HHAT: variants seen among roughly 807,000 people sequenced by gnomAD.
HHAT encodes hedgehog acyltransferase.
A neutral mutation model predicts 70.8 loss-of-function variants in HHAT; 47 were observed. The observed-to-expected ratio is 0.66, with a 90% CI of 0.53 to 0.85. HHAT has a LOEUF of 0.85. HHAT is among the 40% of genes least tolerant of loss of function. The pLI is 0.00. For synonymous variants in HHAT, 228 were observed against 247.6 expected (o/e 0.92, Z 0.74); for missense variants, 609 against 604.8 (o/e 1.01, Z -0.07).
intron 8 of HHAT, among the ~76,000 whole-genome samples, chr1:210,501,880 C>T (rs956375508): frequency 6.6e-6 from 1 of 152,076 alleles, no homozygotes; most frequent in Admixed American, 6.5e-5. Context: ...GAGCTGCCTA[C>T]CCCCACCCTT....
intron 7 of HHAT, among the ~76,000 whole-genome samples, chr1:210,449,958 C>T (rs934290812): frequency 1.3e-5 from 2 of 152,080 alleles, no homozygotes; most frequent in Non-Finnish European, 2.9e-5. Context: ...TTCTGGAATT[C>T]GGGGGAAATA....
At chr1:210,551,316 G>A (rs1433979557) in intron 9 of HHAT, among the ~76,000 whole-genome samples, 1 of 149,010 alleles carries the variant, frequency 6.7e-6, no homozygotes, top group Non-Finnish European at 1.5e-5. Flanking sequence ...CGACCCATGG[G>A]GAACTGGAAG....
chr1:210,447,909 C>T (rs549999285), intron 7 of HHAT, among the ~76,000 whole-genome samples: 2 of 152,204 alleles, frequency 1.3e-5, no homozygotes, highest in East Asian at 3.9e-4. Context: ...GCTCCTGACC[C>T]ACAAAGCGGA....
intron 4 of HHAT, among the ~76,000 whole-genome samples, chr1:210,396,318 A>G (rs2091784385): frequency 6.6e-6 from 1 of 152,118 alleles, no homozygotes; most frequent in Admixed American, 6.5e-5. Flanking sequence ...AGCTCATCTC[A>G]AGCTTCAGGT....
intron 1 of HHAT, among the ~76,000 whole-genome samples, chr1:210,348,066 C>T (rs971314906): frequency 6.6e-6 from 1 of 152,106 alleles, no homozygotes; most frequent in African/African-American, 2.4e-5. Flanking sequence ...GTGATTATGT[C>T]ATTAACTGCC....
At chr1:210,491,419 A>C (rs1413017360) in intron 8 of HHAT, among the ~76,000 whole-genome samples, 1 of 152,160 alleles carries the variant, frequency 6.6e-6, no homozygotes, top group Non-Finnish European at 1.5e-5. Flanking sequence ...AGCTGGTGGG[A>C]AGGCAGTAGT....
At chr1:210,441,773 AATAT>A (rs150604202) in intron 7 of HHAT, among the ~76,000 whole-genome samples, 1,894 of 152,220 alleles carry the variant, frequency 0.012, 33 homozygotes, top group African/African-American at 0.042. Context: ...ACACACAATA[AATAT>A]ATATATAAAC....
chr1:210,403,875 T>C (rs1213599966), intron 5 of HHAT, among the ~76,000 whole-genome samples: 1 of 152,132 alleles, frequency 6.6e-6, no homozygotes, highest in African/African-American at 2.4e-5. Flanking sequence ...TCTATTGTAA[T>C]TGCATTTTTA....
intron 9 of HHAT, among the ~76,000 whole-genome samples, chr1:210,538,040 C>CT (rs1009812253): frequency 6.8e-5 from 10 of 147,510 alleles, no homozygotes; most frequent in African/African-American, 1.2e-4. Flanking sequence ...TATTACAAGG[C>CT]TTTTTTTTCC....
At chr1:210,405,090 T>C (rs900047273) in intron 6 of HHAT, among the ~76,000 whole-genome samples, 2 of 152,216 alleles carry the variant, frequency 1.3e-5, no homozygotes, top group African/African-American at 4.8e-5. Context: ...TGTTTCCTTT[T>C]ATATTCACAA....
chr1:210,564,855 G>A (rs1654272767), intron 9 of HHAT, among the ~76,000 whole-genome samples: 1 of 152,126 alleles, frequency 6.6e-6, no homozygotes, highest in Admixed American at 6.5e-5. Flanking sequence ...AACAGGTTAA[G>A]GAAGAAATGG....
At position 210,554,703 on chromosome 1, in the gene HHAT, C is replaced by T. The variant is rs112272917; in HGVS notation, c.1044-33195C>T. Among the ~76,000 whole-genome samples, 275 of 152,276 alleles carry T rather than the reference C, an allele frequency of 1.8e-3. 1 individual carries two copies. The highest frequency in any genetic ancestry group is 3.1e-3 in the Non-Finnish European group (213 of 68,018). On this transcript the variant is annotated intron_variant, in intron 9 of 11. Transcript: ENST00000261458. ...AGGAAAGTGGGGTTTCCTTGACTTC[C>T]TCTCTTTTGTGATGGATTTATGTGG...
intron 3 of HHAT, among the ~76,000 whole-genome samples, chr1:210,364,734 C>G (rs900812854): frequency 5.3e-5 from 8 of 152,226 alleles, no homozygotes; most frequent in Non-Finnish European, 1.2e-4. Flanking sequence ...TGACTCCCTG[C>G]AGAGGCTCCA....
intron 11 of HHAT, among the ~76,000 whole-genome samples, chr1:210,660,463 C>T (rs986095834): frequency 2.0e-5 from 3 of 152,090 alleles, no homozygotes; most frequent in African/African-American, 7.2e-5. Context: ...TAGGAAGAAT[C>T]AATATTGTGA....
At chr1:210,485,820 C>T (rs566178966) in intron 8 of HHAT, among the ~76,000 whole-genome samples, 2 of 152,164 alleles carry the variant, frequency 1.3e-5, no homozygotes, top group South Asian at 4.2e-4. Flanking sequence ...CCACCGGGTC[C>T]CTCCCACAAT....
At position 210,435,070 on chromosome 1, in the gene HHAT, C is replaced by T. The variant is rs2093343346; in HGVS notation, c.856+16745C>T. Among the ~76,000 whole-genome samples, 2 of 151,754 alleles carry T rather than the reference C, an allele frequency of 1.3e-5. 1 individual carries two copies. The highest frequency in any genetic ancestry group is 4.9e-5 in the African/African-American group (2 of 41,094). On this transcript the variant is annotated intron_variant, in intron 7 of 11. Transcript: ENST00000261458. ...CCTGTTGATCTATTGAACAGCAGGTCTTCTGTCTTCTAAGTGTATATGTGT... is the reference window on the plus strand; with the variant it reads ...CCTGTTGATCTATTGAACAGCAGGTTTTCTGTCTTCTAAGTGTATATGTGT...
chr1:210,634,250 T>C (rs1314340330), intron 11 of HHAT, among the ~76,000 whole-genome samples: 1 of 152,144 alleles, frequency 6.6e-6, no homozygotes, highest in Non-Finnish European at 1.5e-5. Context: ...ACTAGGAAGA[T>C]GTTTCTGGCC....
At chr1:210,334,605 G>T (rs1197324927) in intron 1 of HHAT, among the ~76,000 whole-genome samples, 2 of 152,062 alleles carry the variant, frequency 1.3e-5, no homozygotes, top group Non-Finnish European at 2.9e-5. Context: ...TCCTTCTGTG[G>T]GTAATATGGT....
chr1:210,502,365 A>G (rs897539873), intron 8 of HHAT, among the ~76,000 whole-genome samples: 2 of 135,906 alleles, frequency 1.5e-5, no homozygotes, highest in Non-Finnish European at 3.2e-5. Flanking sequence ...GCCTGGGCAA[A>G]AGAGCAAGAC....
Sources: gnomAD v4.1 joint callset for allele counts (sites outside exome capture counted in the v4.1 genomes callset) on GRCh38, gnomAD v4.1.1 for gene constraint, MANE v1.5 for transcripts, NCBI Gene and HGNC (gene_info 2026-07-23, HGNC 2026-07-21) for gene names.